UBA2: variants seen among roughly 807,000 people sequenced by gnomAD.
UBA2 encodes the protein ubiquitin like modifier activating enzyme 2.
UBA2 carries 11 observed loss-of-function variants against 77.2 expected under a neutral mutation model. The observed-to-expected ratio is 0.14, with a 90% CI of 0.09 to 0.24. The LOEUF (loss-of-function observed/expected upper bound fraction) is 0.24. Among genes scored for constraint, UBA2 ranks in the 10% least tolerant of loss-of-function variants. The pLI, the probability that UBA2 is intolerant of heterozygous loss-of-function variation, is 1.00. For synonymous variants in UBA2, 278 were observed against 276.7 expected (o/e 1.00, Z -0.05); for missense variants, 487 against 781.7 (o/e 0.62, Z 4.50).
chr19:34,467,936 G>A (rs10414774), intron 16 of UBA2, among the ~76,000 whole-genome samples: 7,457 of 152,236 alleles, frequency 0.049, 579 homozygotes, highest in African/African-American at 0.17. Context: ...CTTGTTTTAA[G>A]GAGCAATAAA....
intron 12 of UBA2, among the ~76,000 whole-genome samples, chr19:34,457,800 G>A (rs1427631885): frequency 6.6e-6 from 1 of 152,138 alleles, no homozygotes; most frequent in Non-Finnish European, 1.5e-5. Context: ...GTTGGATCTT[G>A]CTAGTGTTTT....
Position 34,428,565 on chromosome 19 carries a change from G to A in UBA2, c.133G>A (p.Asp45Asn). Residue 45 changes from aspartate (D) to asparagine (N), a missense_variant, in exon 1 of 17, where the codon GAC (aspartate) becomes AAC (asparagine). By Grantham distance (23) the Asp-to-Asn change is conservative (BLOSUM62 1). Around this residue, in one of 9 missense-constraint regions of UBA2, gnomAD observed 19 missense variants for 17.7 expected, o/e 1.07. Transcript: ENST00000246548. ...NLVLTGFSHI[D>N]LIDLDTIDVS... ...CGTGCTCACCGGTTTCTCCCACATC[G>A]ACCTGGTGAGGGCCGGGCGCGCGCG... The A allele has an allele frequency of 1.5e-6, 2 of 1,306,062 alleles. No individual in the cohort carries two copies. The highest frequency in any genetic ancestry group is 2.0e-6 in the Non-Finnish European group (2 of 1,018,748). 80.9% of individuals were successfully genotyped at this position (1,306,062 alleles called of 1,614,324 possible). A position where few individuals can be genotyped will look rare whatever the true frequency, so the allele number is the denominator to read the frequency against.
chr19:34,450,210 G>T, intron 8 of UBA2, 55 bp from the exon 9 acceptor site: 4 of 1,257,880 alleles, frequency 3.2e-6, no homozygotes, highest in Non-Finnish European at 4.6e-6. Context: ...ACGTTTTCTT[G>T]TATCTTATCA....
At chr19:34,438,533 T>G in intron 5 of UBA2, 112 bp from the exon 6 acceptor site, 2 of 1,352,620 alleles carry the variant, frequency 1.5e-6, no homozygotes, top group South Asian at 2.8e-5. Flanking sequence ...TAAAATTTCC[T>G]TGACAACGTA....
intron 1 of UBA2, among the ~76,000 whole-genome samples, chr19:34,429,938 G>T (rs1370234169): frequency 6.6e-6 from 1 of 152,134 alleles, no homozygotes; most frequent in East Asian, 1.9e-4. Flanking sequence ...TTGAGACAGG[G>T]TCTGGCCCTG....
At chr19:34,454,807 C>T (rs775179504) in intron 12 of UBA2, among the ~76,000 whole-genome samples, 6 of 152,118 alleles carry the variant, frequency 3.9e-5, no homozygotes, top group African/African-American at 7.2e-5. Context: ...ATTCATTGTG[C>T]GGTCCTTATA....
intron 5 of UBA2, among the ~76,000 whole-genome samples, chr19:34,437,141 T>G (rs183729405): frequency 6.6e-6 from 1 of 152,062 alleles, no homozygotes; most frequent in East Asian, 2.0e-4. Flanking sequence ...TTTGCATTTT[T>G]GGTAGAGATG....
chr19:34,453,371 A>C (rs2145543380), intron 10 of UBA2, among the ~76,000 whole-genome samples: 1 of 152,268 alleles, frequency 6.6e-6, no homozygotes, highest in South Asian at 2.1e-4. Flanking sequence ...TCTCAGGAAA[A>C]ATACAAATCG....
intron 14 of UBA2, among the ~76,000 whole-genome samples, chr19:34,460,850 A>G (rs1002485387): frequency 6.6e-6 from 1 of 152,162 alleles, no homozygotes; most frequent in African/African-American, 2.4e-5. Flanking sequence ...TGAGAAGACT[A>G]TTCTGTCTGT....
intron 16 of UBA2, among the ~76,000 whole-genome samples, chr19:34,467,399 T>C (rs1472553576): frequency 6.7e-6 from 1 of 150,288 alleles, no homozygotes; most frequent in East Asian, 2.0e-4. Context: ...ACCCAGGAGT[T>C]CGACACTGCA....
chr19:34,438,744 G>T lies in UBA2; in HGVS notation c.559G>T (p.Val187Phe). 6.2e-7 allele frequency: 1 copy of T among 1,613,882 alleles called. No individual in the cohort carries two copies. The highest frequency in any genetic ancestry group is 8.5e-7 in the Non-Finnish European group (1 of 1,179,988). ...NTPSEPIHCI[V>F]WAKYLFNQLF... is the part of the protein sequence containing the mutation. ...ACCTTCAGAACCTATACATTGCATC[G>T]TTTGGGCAAAGTACTTGTTCAAGTA... The change falls in exon 6 of 17, where the codon GTT (valine) becomes TTT (phenylalanine). Residue 187 changes from valine (V) to phenylalanine (F), a missense_variant. Val to Phe is a conservative substitution (Grantham distance 50). Transcript: ENST00000246548.
intron 6 of UBA2, among the ~76,000 whole-genome samples, chr19:34,441,836 G>T (rs1057392376): frequency 6.6e-6 from 1 of 151,334 alleles, no homozygotes; most frequent in African/African-American, 2.4e-5. Flanking sequence ...CATGAGAGCC[G>T]CTTGAACCTG....
At chr19:34,452,669 A>G (rs2075514578) in intron 10 of UBA2, among the ~76,000 whole-genome samples, 1 of 152,214 alleles carries the variant, frequency 6.6e-6, no homozygotes, top group Non-Finnish European at 1.5e-5. Flanking sequence ...GATATTATGA[A>G]CTAATTTTAC....
In UBA2 at chr19:34,431,892, C is replaced by T. The variant is rs374404738; in HGVS notation, c.254C>T (p.Pro85Leu). The T allele has an allele frequency of 4.2e-5, 67 of 1,613,632 alleles. No individual in the cohort carries two copies. Among genetic ancestry groups the T allele is most frequent in the East Asian group, 6.7e-5 (3 of 44,850 alleles). ...VAKESVLQFY[P>L]KANIVAYHDS... Reference sequence around the variant, plus strand: ...AAGGAAAGTGTACTGCAGTTTTACCCGAAAGCTAATATCGTTGCCTACCAT... The same window carrying T: ...AAGGAAAGTGTACTGCAGTTTTACCTGAAAGCTAATATCGTTGCCTACCAT... Residue 85 changes from proline to leucine, a missense_variant, in exon 3 of 17, where the codon CCG becomes CTG. Physicochemically the swap from Pro to Leu is moderately conservative, Grantham distance 98 (BLOSUM62 -3). Transcript: ENST00000246548.
chr19:34,451,113 T>C (rs549890141), intron 9 of UBA2, among the ~76,000 whole-genome samples: 57 of 152,194 alleles, frequency 3.7e-4, no homozygotes, highest in African/African-American at 1.3e-3. Flanking sequence ...GCCATCCTCC[T>C]CCCTCAGTCT....
Position 34,454,367 on chromosome 19 carries a change from A to G in UBA2, c.1132+14A>G, listed in dbSNP as rs200305854. On this transcript the variant is annotated intron_variant, in intron 11 of 16. Coordinates refer to ENST00000246548, the MANE Select transcript of UBA2 (RefSeq NM_005499.3). Reference sequence around the variant, plus strand: ...TTGATATCAAATGTAAGTTATTTGTACTAAAGTTGTATCACTAAAACCTTG... The same window carrying G: ...TTGATATCAAATGTAAGTTATTTGTGCTAAAGTTGTATCACTAAAACCTTG... 2 of 1,602,144 alleles carry G rather than the reference A, an allele frequency of 1.2e-6. No individual in the cohort carries two copies. The highest frequency in any genetic ancestry group is 4.5e-5 in the East Asian group (2 of 44,768).
At chr19:34,446,516 T>C (rs1195542171) in intron 8 of UBA2, among the ~76,000 whole-genome samples, 1 of 152,198 alleles carries the variant, frequency 6.6e-6, no homozygotes, top group Non-Finnish European at 1.5e-5. Flanking sequence ...CAGGTTCTGC[T>C]GTCTTAATCA....
chr19:34,466,684 A>G (rs1267167242), intron 15 of UBA2, among the ~76,000 whole-genome samples, 194 bp from the exon 16 acceptor site: 1 of 152,140 alleles, frequency 6.6e-6, no homozygotes, highest in African/African-American at 2.4e-5. Flanking sequence ...GCTTGAGCCC[A>G]AGATTTCAAG....
intron 12 of UBA2, among the ~76,000 whole-genome samples, chr19:34,455,234 T>C (rs1201882676): frequency 2.6e-5 from 4 of 152,168 alleles, no homozygotes; most frequent in African/African-American, 4.8e-5. Flanking sequence ...CCCTATGTTA[T>C]TGTCATGAAT....
Sources: allele counts gnomAD v4.1 joint callset (sites outside exome capture counted in the v4.1 genomes callset), GRCh38; gene constraint gnomAD v4.1.1; regional missense constraint gnomAD v4.1.1; transcripts MANE v1.5; gene names NCBI Gene and HGNC (gene_info 2026-07-23, HGNC 2026-07-21).